The following MAPT variants were observed in gnomAD, a reference collection of about 807,000 sequenced individuals.
MAPT encodes the protein microtubule-associated protein tau.
A neutral mutation model predicts 67.9 loss-of-function variants in MAPT; 34 were observed. That is an observed-to-expected ratio of 0.50 (90% confidence interval 0.38 to 0.67). The LOEUF (loss-of-function observed/expected upper bound fraction) is 0.67, where lower values mean the gene tolerates loss of function less well. Ranked by LOEUF, MAPT falls within the 30% of genes least tolerant of loss-of-function variation. The probability of loss-of-function intolerance (pLI) is 0.00; values close to 1 mark genes in which losing one functional copy is unlikely to be tolerated. For missense variants in MAPT, 881 were observed against 1,115.2 expected (o/e 0.79, Z 2.99); for synonymous variants, 456 against 464.5 (o/e 0.98, Z 0.23).
At chr17:45,998,168 G>T (rs1281039424) in intron 9 of MAPT, among the ~76,000 whole-genome samples, 1 of 152,228 alleles carries the variant, frequency 6.6e-6, no homozygotes, top group Admixed American at 6.5e-5. Flanking sequence ...TATCACTTGG[G>T]TCTGAGCCTG....
chr17:45,943,221 A>C (rs968336510), intron 1 of MAPT, among the ~76,000 whole-genome samples: 5 of 152,094 alleles, frequency 3.3e-5, no homozygotes, highest in African/African-American at 1.2e-4. Context: ...GCCTAGCTAA[A>C]TTTTTGTACT....
chr17:45,895,035 T>G (rs1389952039), intron 1 of MAPT: 1 of 153,262 alleles, frequency 6.5e-6, no homozygotes, highest in African/African-American at 2.5e-5. Context: ...CTGCAGCCTT[T>G]TGCCGCAATG....
chr17:45,954,287 G>A (rs1364633653), intron 1 of MAPT, among the ~76,000 whole-genome samples: 2 of 152,188 alleles, frequency 1.3e-5, no homozygotes, highest in African/African-American at 4.8e-5. Context: ...AGTTACAACA[G>A]AGACCACGTG....
chr17:45,994,110 G>A, intron 8 of MAPT: 1 of 786,426 alleles, frequency 1.3e-6, no homozygotes, highest in South Asian at 1.9e-5. Context: ...CCTGAAGATG[G>A]AGCAGTCCGA....
intron 1 of MAPT, among the ~76,000 whole-genome samples, chr17:45,917,464 C>T (rs1382754657): frequency 2.0e-5 from 3 of 152,170 alleles, no homozygotes; most frequent in African/African-American, 4.8e-5. Context: ...AGGCTGAATT[C>T]GAATTATCTT....
intron 1 of MAPT, among the ~76,000 whole-genome samples, chr17:45,946,613 A>ATATAT: frequency 1.0e-5 from 1 of 97,848 alleles, no homozygotes; most frequent in African/African-American, 3.7e-5. Flanking sequence ...AAAAAAAAAA[A>ATATAT]AAATATATAT....
At chr17:45,968,403 C>A (rs1447836441) in intron 2 of MAPT, among the ~76,000 whole-genome samples, 3 of 152,208 alleles carry the variant, frequency 2.0e-5, no homozygotes, top group Non-Finnish European at 4.4e-5. Flanking sequence ...CCACCCCTGT[C>A]TGCCCAGGAG....
chr17:45,939,585 G>A (rs2067676312), intron 1 of MAPT, among the ~76,000 whole-genome samples: 1 of 152,200 alleles, frequency 6.6e-6, no homozygotes, highest in Non-Finnish European at 1.5e-5. Context: ...AAGCTGCAAG[G>A]ATGGAAAGGA....
At chr17:45,985,375 A>G (rs2073436171) in intron 5 of MAPT, among the ~76,000 whole-genome samples, 1 of 152,242 alleles carries the variant, frequency 6.6e-6, no homozygotes, top group Admixed American at 6.5e-5. Flanking sequence ...ATTCCAAAAC[A>G]GTAGGGGACA....
chr17:45,973,598 T>C (rs2071968476), intron 3 of MAPT: 2 of 152,206 alleles, frequency 1.3e-5, no homozygotes, highest in African/African-American at 2.4e-5. Context: ...ATGTCCTTCA[T>C]TGAACTTGGA....
chr17:46,016,857 T>C (rs1450153611), intron 11 of MAPT, among the ~76,000 whole-genome samples: 2 of 152,248 alleles, frequency 1.3e-5, no homozygotes, highest in Non-Finnish European at 2.9e-5. Context: ...CTGTCCAGTA[T>C]AGTAGCCACT....
At chr17:45,925,229 C>T (rs17564703) in intron 1 of MAPT, among the ~76,000 whole-genome samples, 21,823 of 152,236 alleles carry the variant, frequency 0.14, 2,135 homozygotes, top group Middle Eastern at 0.22. Flanking sequence ...GTAGAATGGG[C>T]GGCCCCGGGC....
chr17:45,911,228 A>G (rs746517952), intron 1 of MAPT, among the ~76,000 whole-genome samples: 5 of 152,188 alleles, frequency 3.3e-5, no homozygotes, highest in African/African-American at 4.8e-5. Flanking sequence ...TGCTTTATTC[A>G]TCTTTGTGTC....
chr17:45,930,812 G>C (rs918742457), intron 1 of MAPT, among the ~76,000 whole-genome samples: 1 of 152,096 alleles, frequency 6.6e-6, no homozygotes, highest in Non-Finnish European at 1.5e-5. Flanking sequence ...CTTTGTCATG[G>C]CTGCCCAGTC....
intron 1 of MAPT, among the ~76,000 whole-genome samples, chr17:45,926,300 A>G (rs2066283916): frequency 6.6e-6 from 1 of 151,818 alleles, no homozygotes; most frequent in South Asian, 2.1e-4. Flanking sequence ...TTTTATTTAT[A>G]TATTTATTTT....
intron 1 of MAPT, among the ~76,000 whole-genome samples, chr17:45,958,376 G>A (rs1166351106): frequency 3.3e-5 from 5 of 152,160 alleles, no homozygotes; most frequent in Admixed American, 3.3e-4. Flanking sequence ...TAAATTAAGA[G>A]CCCACACAAG....
In MAPT at chr17:46,010,614, G is replaced by C. The variant is rs987773496; in HGVS notation, c.2091+212G>C. Among the ~76,000 whole-genome samples the C allele has an allele frequency of 2.6e-5, 4 of 152,200 alleles. No homozygotes were observed. The highest frequency in any genetic ancestry group is 9.7e-5 in the African/African-American group (4 of 41,448). On this transcript the variant is annotated intron_variant, in intron 10 of 12. Transcript: ENST00000262410. The surrounding 1 kb of genome is among the most constrained non-coding windows in gnomAD (Gnocchi z 4.7). ...AGCCCCTTCCTCATATTCTAGGAGG[G>C]GGTGTCCCAGCATTTCTGGGTCCCC...
chr17:45,918,747 A>G (rs901065413), intron 1 of MAPT, among the ~76,000 whole-genome samples: 7 of 152,206 alleles, frequency 4.6e-5, no homozygotes, highest in Non-Finnish European at 1.5e-5. Flanking sequence ...GATCATTTAT[A>G]AAGAAAAGAG....
intron 4 of MAPT, among the ~76,000 whole-genome samples, chr17:45,980,735 C>T (rs939548594): frequency 6.6e-6 from 1 of 152,144 alleles, no homozygotes; most frequent in East Asian, 1.9e-4. Flanking sequence ...GTCAAGAGCA[C>T]TCTAGTAAGC....
Sources: gnomAD v4.1 joint callset for allele counts (sites outside exome capture counted in the v4.1 genomes callset) on GRCh38, gnomAD v4.1.1 for gene constraint, Gnocchi (gnomAD v3.1) non-coding constraint, MANE v1.5 for transcripts, NCBI Gene and HGNC (gene_info 2026-07-23, HGNC 2026-07-21) for gene names.